The following ZC3H18 variants were observed in gnomAD, a reference collection of about 807,000 sequenced individuals.
The protein encoded by ZC3H18 is zinc finger CCCH domain-containing protein 18.
Under a neutral mutation model 106.1 loss-of-function variants are expected in ZC3H18, and 8 were observed. That is an observed-to-expected ratio of 0.08 (90% CI 0.04 to 0.14). The LOEUF is 0.14. Ranked by LOEUF, ZC3H18 falls within the 10% of genes least tolerant of loss-of-function variation. The pLI, the probability that ZC3H18 is intolerant of heterozygous loss-of-function variation, is 1.00. For missense variants in ZC3H18, 1,318 were observed against 1,278.4 expected (o/e 1.03, Z -0.47); for synonymous variants, 635 against 522.1 (o/e 1.22, Z -2.95).
At position 88,630,468 on chromosome 16, in the gene ZC3H18, CTG is replaced by C; in HGVS notation, c.2567-15_2567-14del. 6.2e-7 allele frequency: 1 copy of C among 1,608,606 alleles called. No individual in the cohort carries two copies. The highest frequency in any genetic ancestry group is 1.3e-5 in the African/African-American group (1 of 74,992). On this transcript the variant is annotated splice_polypyrimidine_tract_variant and intron_variant, in intron 16 of 17. Transcript: ENST00000301011. Reference sequence around the variant, plus strand: ...TGTACATCAGGAGGGTGGTCTCACTCTGTACCTATCACCCAGGTTCTCGGGAC... The same window carrying C: ...TGTACATCAGGAGGGTGGTCTCACTCTACCTATCACCCAGGTTCTCGGGAC...
intron 6 of ZC3H18, among the ~76,000 whole-genome samples, chr16:88,606,220 T>C (rs1413328452): frequency 6.6e-6 from 1 of 152,256 alleles, no homozygotes; most frequent in African/African-American, 2.4e-5. Context: ...TTGAATTAAA[T>C]ACCTTCCAAA....
At position 88,631,891 on chromosome 16, in the gene ZC3H18, G is replaced by A. The variant is rs966310516; in HGVS notation, c.*592G>A. On this transcript the variant is annotated 3_prime_UTR_variant, in exon 18 of 18. Coordinates refer to ENST00000301011, the MANE Select transcript of ZC3H18 (RefSeq NM_144604.4). Reference sequence around the variant, plus strand: ...AAAAGACCAAAAAAAGGCCAAGGGTGTTGTTGGGGCGTCTGTCTAATGTGG... The same window carrying A: ...AAAAGACCAAAAAAAGGCCAAGGGTATTGTTGGGGCGTCTGTCTAATGTGG... 1.0e-5 allele frequency: 3 copies of A among 296,556 alleles called. No homozygotes were observed. Among genetic ancestry groups the A allele is most frequent in the Admixed American group, 1.0e-4 (2 of 19,872 alleles). 18.4% of individuals were successfully genotyped at this position (296,556 alleles called of 1,614,324 possible).
At chr16:88,604,469 A>G (rs980630695) in intron 6 of ZC3H18, among the ~76,000 whole-genome samples, 2 of 152,056 alleles carry the variant, frequency 1.3e-5, no homozygotes, top group African/African-American at 2.4e-5. Context: ...GGCAGATCAC[A>G]GGGTCAGGAG....
At chr16:88,594,163 G>T (rs1346643549) in intron 3 of ZC3H18, among the ~76,000 whole-genome samples, 1 of 152,172 alleles carries the variant, frequency 6.6e-6, no homozygotes, top group Non-Finnish European at 1.5e-5. Flanking sequence ...GCAGATGGGA[G>T]GCCAGGGGTT....
At chr16:88,617,849 C>T (rs1448680657) in intron 8 of ZC3H18, among the ~76,000 whole-genome samples, 1 of 152,270 alleles carries the variant, frequency 6.6e-6, no homozygotes, top group Non-Finnish European at 1.5e-5. Flanking sequence ...GCTTCATGCT[C>T]AGTTTTTTGG....
At chr16:88,621,591 C>T (rs1471192323) in intron 8 of ZC3H18, among the ~76,000 whole-genome samples, 1 of 152,078 alleles carries the variant, frequency 6.6e-6, no homozygotes, top group African/African-American at 2.4e-5. Context: ...CTCCTGACCT[C>T]ATGATCCGCC....
chr16:88,585,802 G>T (rs1390063156), intron 2 of ZC3H18, among the ~76,000 whole-genome samples: 1 of 152,086 alleles, frequency 6.6e-6, no homozygotes, highest in Non-Finnish European at 1.5e-5. Context: ...GGGGGATCAA[G>T]AGGGGCCACA....
chr16:88,575,481 C>T (rs1036991939), intron 1 of ZC3H18, among the ~76,000 whole-genome samples: 1 of 152,002 alleles, frequency 6.6e-6, no homozygotes, highest in Non-Finnish European at 1.5e-5. Context: ...CTGCTCCACA[C>T]TCACTTGGTG....
At chr16:88,579,468 A>C (rs902246510) in intron 2 of ZC3H18, among the ~76,000 whole-genome samples, 4 of 152,138 alleles carry the variant, frequency 2.6e-5, no homozygotes, top group African/African-American at 9.7e-5. Flanking sequence ...CATCAGACGG[A>C]TCAAGGGTCC....
chr16:88,623,947 C>G lies in ZC3H18; in HGVS notation c.1794-11C>G. On this transcript the variant is annotated splice_polypyrimidine_tract_variant and intron_variant, in intron 10 of 17. Coordinates refer to ENST00000301011, the MANE Select transcript of ZC3H18 (RefSeq NM_144604.4). ...CCAGGCCCCTTCCGACACCTTTGTT[C>G]ACTCCCCTAGGTCCCGGTCCTTCTC... 1.2e-6 allele frequency: 2 copies of G among 1,604,954 alleles called. No homozygotes were observed. The highest frequency in any genetic ancestry group is 1.7e-6 in the Non-Finnish European group (2 of 1,173,956).
At chr16:88,598,374 T>C in intron 4 of ZC3H18, 48 bp downstream of exon 4, 1 of 1,561,998 alleles carries the variant, frequency 6.4e-7, no homozygotes, top group Non-Finnish European at 8.6e-7. Context: ...CCAACTGAGC[T>C]GTGTCTGAAT....
Position 88,628,058 on chromosome 16 carries a change from G to A in ZC3H18, c.2408G>A (p.Gly803Glu). Residue 803 changes from glycine to glutamate, a missense_variant, in exon 15 of 18, where the codon GGG (glycine) becomes GAG (glutamate). Gly to Glu is a moderately conservative substitution (Grantham distance 98). Transcript: ENST00000301011. Reference protein sequence around the residue: ...QPSTPQQAPPGQPQQGTFVAH... With the variant: ...QPSTPQQAPPEQPQQGTFVAH... ...TCGACACCCCAGCAGGCACCCCCCG[G>A]GCAGCCCCAGCAGGGCACATTTGTG... 1 of 1,613,996 alleles carries A rather than the reference G, an allele frequency of 6.2e-7. No individual in the cohort carries two copies. The highest frequency in any genetic ancestry group is 2.2e-5 in the East Asian group (1 of 44,880).
At position 88,622,270 on chromosome 16, in the gene ZC3H18, G is replaced by A. The variant is rs1300258460; in HGVS notation, c.1549G>A (p.Asp517Asn). Residue 517 changes from aspartate (D) to asparagine (N), a missense_variant, in exon 9 of 18, where the codon GAC becomes AAC. Asp to Asn is a conservative substitution (Grantham distance 23). Coordinates refer to ENST00000301011, the MANE Select transcript of ZC3H18 (RefSeq NM_144604.4). ...PQVKRADEWK[D>N]PWRRSKSPKK... Reference sequence around the variant, plus strand: ...GGTGAAGAGAGCAGATGAGTGGAAGGACCCTTGGCGCCGATCCAAGTCTCC... The same window carrying A: ...GGTGAAGAGAGCAGATGAGTGGAAGAACCCTTGGCGCCGATCCAAGTCTCC... 1 of 1,614,054 alleles carries A rather than the reference G, an allele frequency of 6.2e-7. No homozygotes were observed. Among genetic ancestry groups the A allele is most frequent in the Non-Finnish European group, 8.5e-7 (1 of 1,180,014 alleles).
intron 10 of ZC3H18, 63 bp from the exon 11 acceptor site, chr16:88,623,895 T>C: frequency 6.5e-7 from 1 of 1,538,748 alleles, no homozygotes; most frequent in African/African-American, 1.4e-5. Context: ...GGGTCCTCAG[T>C]GGGCTTGGGC....
intron 3 of ZC3H18, among the ~76,000 whole-genome samples, chr16:88,594,924 G>A (rs1904349686): frequency 6.6e-6 from 1 of 152,230 alleles, no homozygotes; most frequent in Non-Finnish European, 1.5e-5. Flanking sequence ...GGCCGAGGCG[G>A]GCGGATCACC....
intron 13 of ZC3H18, 82 bp downstream of exon 13, chr16:88,625,349 C>T: frequency 6.6e-7 from 1 of 1,514,890 alleles, no homozygotes; most frequent in Non-Finnish European, 9.0e-7. Context: ...GTGGGTTGGG[C>T]TGTCTCCCAC....
Position 88,630,618 on chromosome 16 carries a change from G to C in ZC3H18, c.2663+37G>C, listed in dbSNP as rs375083988. The C allele has an allele frequency of 2.0e-3, 3,097 of 1,557,810 alleles. 20 individuals carry two copies. The highest frequency in any genetic ancestry group is 0.02 in the Middle Eastern group (106 of 5,372). ...CCAGCATGTGCCCTGGGCACACCGA[G>C]GGGGCCAGCCCCAGTCGCTTCCCCA... On this transcript the variant is annotated intron_variant, in intron 17 of 17. Transcript: ENST00000301011.
At chr16:88,579,134 G>A (rs2142542555) in intron 2 of ZC3H18, among the ~76,000 whole-genome samples, 3 of 152,356 alleles carry the variant, frequency 2.0e-5, no homozygotes, top group Admixed American at 2.0e-4. Flanking sequence ...CGGGACGTGT[G>A]TGCACCTGCA....
intron 6 of ZC3H18, among the ~76,000 whole-genome samples, chr16:88,607,237 C>T (rs571266107): frequency 4.6e-4 from 70 of 152,228 alleles, no homozygotes; most frequent in Middle Eastern, 3.4e-3. Context: ...TCCTTCTGGC[C>T]GCCGGTTTTC....
Sources: allele counts gnomAD v4.1 joint callset (sites outside exome capture counted in the v4.1 genomes callset), GRCh38; gene constraint gnomAD v4.1.1; transcripts MANE v1.5; gene names NCBI Gene and HGNC (gene_info 2026-07-23, HGNC 2026-07-21).